The following BTAF1 variants were observed in gnomAD, a reference collection of about 807,000 sequenced individuals.
BTAF1 encodes TATA-binding protein-associated factor 172.
A neutral mutation model predicts 227.1 loss-of-function variants in BTAF1; 38 were observed. The ratio of observed to expected loss-of-function variants is 0.17; its 90% CI spans 0.13 to 0.22. The LOEUF is 0.22. Ranked by LOEUF, BTAF1 falls within the 10% of genes least tolerant of loss-of-function variation. The probability of loss-of-function intolerance (pLI) is 1.00; values close to 1 mark genes in which losing one functional copy is unlikely to be tolerated. For missense variants in BTAF1, 1,598 were observed against 2,204.0 expected (o/e 0.73, Z 5.51); for synonymous variants, 742 against 751.9 (o/e 0.99, Z 0.21).
intron 17 of BTAF1, 154 bp downstream of exon 17, chr10:91,982,379 AC>A: frequency 9.3e-7 from 1 of 1,079,874 alleles, no homozygotes; most frequent in South Asian, 1.7e-5. Flanking sequence ...GTAAGCAAAT[AC>A]TTCTAATTAT....
intron 1 of BTAF1, 143 bp downstream of exon 1, chr10:91,924,233 C>T (rs1051157751): frequency 2.5e-6 from 3 of 1,182,566 alleles, no homozygotes; most frequent in African/African-American, 1.6e-5. Context: ...GAGTTCGCCC[C>T]GTGGTCGGCG....
At chr10:91,992,449 A>G (rs1280166878) in intron 21 of BTAF1, 140 bp downstream of exon 21, 3 of 794,964 alleles carry the variant, frequency 3.8e-6, no homozygotes, top group Non-Finnish European at 5.7e-6. Context: ...CTCCAACAAT[A>G]TGATCCAGAA....
At chr10:91,991,795 G>GTATA (rs1489317546) in intron 20 of BTAF1, among the ~76,000 whole-genome samples, 11 of 5,630 alleles carry the variant, frequency 2.0e-3, no homozygotes, top group African/African-American at 2.5e-3. Context: ...GTGTGTGTGT[G>GTATA]TGTATATATA....
chr10:91,951,340 T>C (rs1589790373), intron 4 of BTAF1, 63 bp from the exon 5 acceptor site: 1 of 1,507,536 alleles, frequency 6.6e-7, no homozygotes, highest in Non-Finnish European at 9.0e-7. Flanking sequence ...TAGAGTTTGA[T>C]GTGCACGTAT....
At chr10:91,997,797 T>A in intron 25 of BTAF1, 46 bp downstream of exon 25, 1 of 1,590,370 alleles carries the variant, frequency 6.3e-7, no homozygotes, top group Non-Finnish European at 8.6e-7. Context: ...TTTCTATAAC[T>A]TGATCCATAA....
In BTAF1 at chr10:91,966,650, C is replaced by T. The variant is rs1589829915; in HGVS notation, c.1543C>T (p.Leu515=). The T allele has an allele frequency of 6.2e-7, 1 of 1,613,674 alleles. No individual in the cohort carries two copies. The highest frequency in any genetic ancestry group is 2.2e-5 in the East Asian group (1 of 44,858). The change falls in exon 14 of 38, where the codon CTG becomes TTG. Residue 515 remains leucine (L), a synonymous_variant. Coordinates refer to ENST00000265990, the MANE Select transcript of BTAF1 (RefSeq NM_003972.3). ...QVQQCSIQQS[L]TVLVPRVWPF... ...CTTCTTTATTAGTATTCAGCAGTCA[C>T]TGACAGTTTTAGTTCCACGTGTCTG...
intron 37 of BTAF1, among the ~76,000 whole-genome samples, chr10:92,028,466 T>A (rs1295964899): frequency 1.3e-5 from 2 of 152,204 alleles, no homozygotes; most frequent in African/African-American, 4.8e-5. Context: ...TACAACTTTC[T>A]TTCAAATTGT....
In BTAF1 at chr10:92,011,291, T is replaced by A. The variant is rs368098781; in HGVS notation, c.4187T>A (p.Ile1396Asn). The A allele has an allele frequency of 6.6e-7, 1 of 1,506,560 alleles. No homozygotes were observed. Among genetic ancestry groups the A allele is most frequent in the Non-Finnish European group, 8.9e-7 (1 of 1,124,738 alleles). 93.3% of individuals were successfully genotyped at this position (1,506,560 alleles called of 1,614,324 possible). A position where few individuals can be genotyped will look rare whatever the true frequency, so the allele number is the denominator to read the frequency against. Reference sequence around the variant, plus strand: ...TTCTATTTATTCTCCCTTAGAAATATTAAATTTAACTACTGCATTCTTGAT... The same window carrying A: ...TTCTATTTATTCTCCCTTAGAAATAATAAATTTAACTACTGCATTCTTGAT... ...VRNDIDFFRNIKFNYCILDEG... is the reference protein window; with the variant it reads ...VRNDIDFFRNNKFNYCILDEG... Residue 1396 changes from isoleucine (I) to asparagine (N), a missense_variant, in exon 30 of 38, where the codon ATT (isoleucine) becomes AAT (asparagine). Coordinates refer to ENST00000265990, the MANE Select transcript of BTAF1 (RefSeq NM_003972.3).
At chr10:91,948,113 C>T (rs1845508220) in intron 4 of BTAF1, among the ~76,000 whole-genome samples, 1 of 152,036 alleles carries the variant, frequency 6.6e-6, no homozygotes, top group South Asian at 2.1e-4. Context: ...CACGCATTAA[C>T]TCGTCATTTA....
At chr10:91,961,547 T>A (rs542172156) in intron 11 of BTAF1, among the ~76,000 whole-genome samples, 2 of 152,050 alleles carry the variant, frequency 1.3e-5, no homozygotes, top group African/African-American at 4.8e-5. Flanking sequence ...CTCCCTCTGC[T>A]CCCTTCCTTG....
chr10:91,953,104 A>C (rs1272568945), intron 5 of BTAF1, among the ~76,000 whole-genome samples: 1 of 152,232 alleles, frequency 6.6e-6, no homozygotes, highest in Non-Finnish European at 1.5e-5. Context: ...AGACTGCAGC[A>C]GAACATCCAC....
intron 21 of BTAF1, among the ~76,000 whole-genome samples, chr10:91,992,611 T>C (rs1206480047): frequency 6.6e-6 from 1 of 152,224 alleles, no homozygotes; most frequent in African/African-American, 2.4e-5. Context: ...CTTTTCTCTG[T>C]CCTTTCAATG....
intron 24 of BTAF1, 25 bp downstream of exon 24, chr10:91,996,595 G>A (rs766039889): frequency 1.2e-6 from 2 of 1,602,222 alleles, no homozygotes; most frequent in East Asian, 2.2e-5. Context: ...TTGACAAACT[G>A]TTCAGGAATT....
intron 3 of BTAF1, among the ~76,000 whole-genome samples, chr10:91,940,779 G>A (rs1011149324): frequency 6.6e-6 from 1 of 152,046 alleles, no homozygotes; most frequent in African/African-American, 2.4e-5. Context: ...CCGCCTCCTG[G>A]GTTCAAGCAA....
intron 4 of BTAF1, among the ~76,000 whole-genome samples, chr10:91,951,078 G>A (rs1845739434): frequency 1.3e-5 from 2 of 151,922 alleles, no homozygotes; most frequent in African/African-American, 4.8e-5. Flanking sequence ...CTCCCACCTC[G>A]GCCACCCAAA....
intron 2 of BTAF1, 92 bp downstream of exon 2, chr10:91,935,872 T>C (rs1844575069): frequency 1.7e-6 from 2 of 1,192,324 alleles, no homozygotes; most frequent in Non-Finnish European, 2.2e-6. Context: ...ATCATCTTAA[T>C]TTTTAAACAT....
In BTAF1 at chr10:91,997,678, G is replaced by A. The variant is rs1849233500; in HGVS notation, c.3587G>A (p.Ser1196Asn). 1 of 1,613,928 alleles carries A rather than the reference G, an allele frequency of 6.2e-7. No individual in the cohort carries two copies. Among genetic ancestry groups the A allele is most frequent in the African/African-American group, 1.3e-5 (1 of 74,938 alleles). ...GTTGTTCCTGTATTAGGAAGAATGA[G>A]TGATCAGACAGACAGTGTGAGATTC... is the stretch of plus-strand genomic sequence containing the variant. ...LLVVPVLGRM[S>N]DQTDSVRFMA... Residue 1196 changes from serine to asparagine, a missense_variant, in exon 25 of 38, where the codon AGT becomes AAT. By Grantham distance (46) the Ser-to-Asn change is conservative. This residue lies in a region of BTAF1 where 425 missense variants were observed against 491.2 expected (regional missense o/e 0.87). Transcript: ENST00000265990.
At chr10:91,952,585 T>C (rs2133863544) in intron 5 of BTAF1, among the ~76,000 whole-genome samples, 1 of 152,320 alleles carries the variant, frequency 6.6e-6, no homozygotes, top group East Asian at 1.9e-4. Flanking sequence ...TTCCTTTGCT[T>C]CAGTGGAGAA....
intron 1 of BTAF1, among the ~76,000 whole-genome samples, chr10:91,925,626 C>T (rs990838809): frequency 1.5e-4 from 23 of 151,534 alleles, no homozygotes; most frequent in Middle Eastern, 3.4e-3. Context: ...ATCCTCCTGC[C>T]TCAGCCTCCC....
Sources: allele counts gnomAD v4.1 joint callset (sites outside exome capture counted in the v4.1 genomes callset), GRCh38; gene constraint gnomAD v4.1.1; regional missense constraint gnomAD v4.1.1; transcripts MANE v1.5; gene names NCBI Gene and HGNC (gene_info 2026-07-23, HGNC 2026-07-21).